The following EFCAB6 variants were observed in gnomAD, a reference collection of about 807,000 sequenced individuals.
EFCAB6 encodes EF-hand calcium-binding domain-containing protein 6.
Under a neutral mutation model 169.8 loss-of-function variants are expected in EFCAB6, and 156 were observed. The observed-to-expected ratio is 0.92, with a 90% confidence interval of 0.81 to 1.05. EFCAB6 has a LOEUF of 1.05. Ranked by LOEUF, EFCAB6 falls within the 50% of genes least tolerant of loss-of-function variation. EFCAB6 has a pLI of 0.00. For synonymous variants in EFCAB6, 698 were observed against 676.4 expected (o/e 1.03, Z -0.50); for missense variants, 1,800 against 1,829.1 (o/e 0.98, Z 0.29).
intron 20 of EFCAB6, among the ~76,000 whole-genome samples, chr22:43,625,764 C>A (rs2054468841): frequency 6.6e-6 from 1 of 152,248 alleles, no homozygotes; most frequent in Admixed American, 6.5e-5. Context: ...AGACGGTCTG[C>A]ATTCCCCAAA....
chr22:43,784,511 ATGTGTGTGTG>A (rs370724337), intron 2 of EFCAB6, among the ~76,000 whole-genome samples: 19 of 91,392 alleles, frequency 2.1e-4, no homozygotes, highest in African/African-American at 7.2e-4. Context: ...AAATATATAT[ATGTGTGTGTG>A]TGTGTGTGTG....
At chr22:43,793,147 T>C (rs192570911) in intron 2 of EFCAB6, among the ~76,000 whole-genome samples, 1 of 151,934 alleles carries the variant, frequency 6.6e-6, no homozygotes, top group Admixed American at 6.6e-5. Flanking sequence ...GAATACAAAG[T>C]GATTCAATTC....
chr22:43,807,515 A>T (rs2062962647), intron 2 of EFCAB6, among the ~76,000 whole-genome samples: 1 of 152,248 alleles, frequency 6.6e-6, no homozygotes, highest in South Asian at 2.1e-4. Context: ...AGAAGTATTG[A>T]TGTCCAGTTT....
At chr22:43,625,633 C>T (rs543182438) in intron 20 of EFCAB6, among the ~76,000 whole-genome samples, 13 of 152,278 alleles carry the variant, frequency 8.5e-5, no homozygotes, top group African/African-American at 2.2e-4. Flanking sequence ...CTAAGAGTGA[C>T]GCCATATGGG....
chr22:43,724,318 A>C (rs1476884614), intron 8 of EFCAB6, among the ~76,000 whole-genome samples: 1 of 151,436 alleles, frequency 6.6e-6, no homozygotes, highest in African/African-American at 2.4e-5. Context: ...TTTCCATCTC[A>C]GACCTTGTCA....
chr22:43,727,302 C>T (rs766355914), intron 8 of EFCAB6, among the ~76,000 whole-genome samples: 1 of 152,066 alleles, frequency 6.6e-6, no homozygotes. Flanking sequence ...TAGTGGCATG[C>T]CTGTGGTCCT....
chr22:43,712,789 C>CT (rs11353275), intron 9 of EFCAB6, among the ~76,000 whole-genome samples: 2 of 151,964 alleles, frequency 1.3e-5, no homozygotes, highest in East Asian at 1.9e-4. Flanking sequence ...GTTTTCCATA[C>CT]TTTTTTTTCT....
intron 6 of EFCAB6, among the ~76,000 whole-genome samples, chr22:43,739,325 G>A (rs1220731152): frequency 6.6e-6 from 1 of 152,158 alleles, no homozygotes; most frequent in Non-Finnish European, 1.5e-5. Flanking sequence ...AGCTTCCAGA[G>A]CCAATGCTCT....
chr22:43,675,870 C>T (rs2057734989), intron 13 of EFCAB6, among the ~76,000 whole-genome samples: 1 of 150,876 alleles, frequency 6.6e-6, no homozygotes, highest in African/African-American at 2.4e-5. Flanking sequence ...ATGTTTTGGG[C>T]CAGTATTTCT....
At chr22:43,670,309 T>C (rs971508146) in intron 15 of EFCAB6, among the ~76,000 whole-genome samples, 2 of 152,106 alleles carry the variant, frequency 1.3e-5, no homozygotes, top group African/African-American at 2.4e-5. Context: ...ACCTTTGGGG[T>C]TGTCAATTCT....
intron 5 of EFCAB6, among the ~76,000 whole-genome samples, chr22:43,764,516 T>C (rs558454062): frequency 5.3e-4 from 81 of 152,304 alleles, no homozygotes; most frequent in African/African-American, 1.9e-3. Context: ...AGTGCATGTG[T>C]CTTTTGGTAG....
At chr22:43,685,444 C>T (rs1017149369) in intron 11 of EFCAB6, among the ~76,000 whole-genome samples, 2 of 152,150 alleles carry the variant, frequency 1.3e-5, no homozygotes, top group African/African-American at 2.4e-5. Context: ...CATTTTCTGC[C>T]GCTGCCTTGG....
chr22:43,698,336 T>C (rs2058649361), intron 10 of EFCAB6, among the ~76,000 whole-genome samples: 2 of 152,094 alleles, frequency 1.3e-5, no homozygotes, highest in South Asian at 4.1e-4. Flanking sequence ...AATTCAAGAT[T>C]TGTGGGGATT....
rs149975790 is a variant in EFCAB6 at position 43,626,640 on chromosome 22, C to A, written c.2272G>T (p.Asp758Tyr). ...SAFFKTDADRDGIINMHDLHR... is the reference protein window; with the variant it reads ...SAFFKTDADRYGIINMHDLHR... The stretch of plus-strand genomic sequence containing the variant: ...AGGTCATGCATGTTGATTATGCCAT[C>A]CCTGTCAGCATCTGTTTTAAAGAAG... Residue 758 changes from aspartate to tyrosine, a missense_variant, in exon 20 of 32, where the codon GAT becomes TAT. By Grantham distance (160) the Asp-to-Tyr change is radical (BLOSUM62 -3). Coordinates refer to ENST00000262726, the MANE Select transcript of EFCAB6 (RefSeq NM_022785.4). The A allele has an allele frequency of 6.2e-7, 1 of 1,614,192 alleles. No individual in the cohort carries two copies. The highest frequency in any genetic ancestry group is 8.5e-7 in the Non-Finnish European group (1 of 1,180,038).
intron 8 of EFCAB6, among the ~76,000 whole-genome samples, chr22:43,725,583 T>G (rs1325537697): frequency 6.6e-6 from 1 of 152,206 alleles, no homozygotes; most frequent in Non-Finnish European, 1.5e-5. Context: ...AACATGAGTT[T>G]TGGAGGGGGC....
At chr22:43,581,688 C>T (rs564835161) in intron 24 of EFCAB6, among the ~76,000 whole-genome samples, 22 of 152,212 alleles carry the variant, frequency 1.4e-4, no homozygotes, top group South Asian at 8.3e-4. Flanking sequence ...CTTGGAATGC[C>T]GGTAAGGTGG....
chr22:43,701,186 C>T (rs997432680), intron 10 of EFCAB6, among the ~76,000 whole-genome samples: 2 of 152,048 alleles, frequency 1.3e-5, no homozygotes, highest in Non-Finnish European at 2.9e-5. Flanking sequence ...GAGAGGGTAG[C>T]AAAAGAAAGA....
At chr22:43,668,774 G>A (rs1386745613) in intron 16 of EFCAB6, 98 bp downstream of exon 16, 1 of 1,152,380 alleles carries the variant, frequency 8.7e-7, no homozygotes, top group African/African-American at 1.6e-5. Flanking sequence ...TTTATAAAAT[G>A]AAATATTAAA....
chr22:43,676,968 T>C (rs928868482), intron 13 of EFCAB6, among the ~76,000 whole-genome samples: 6 of 152,192 alleles, frequency 3.9e-5, no homozygotes, highest in Admixed American at 1.3e-4. Flanking sequence ...TTTAGGGAAA[T>C]AGTGCATCTC....
Sources: gnomAD v4.1 joint callset for allele counts (sites outside exome capture counted in the v4.1 genomes callset) on GRCh38, gnomAD v4.1.1 for gene constraint, MANE v1.5 for transcripts, NCBI Gene and HGNC (gene_info 2026-07-23, HGNC 2026-07-21) for gene names.